PDE1A: variants seen among roughly 807,000 people sequenced by gnomAD.
The protein encoded by PDE1A is phosphodiesterase 1A.
A neutral mutation model predicts 61.7 loss-of-function variants in PDE1A; 35 were observed. That is an observed-to-expected ratio of 0.57 (90% CI 0.43 to 0.75). The LOEUF (loss-of-function observed/expected upper bound fraction) is 0.75. Among genes scored for constraint, PDE1A ranks in the 30% least tolerant of loss-of-function variants. The pLI, the probability that PDE1A is intolerant of heterozygous loss-of-function variation, is 0.00. For synonymous variants in PDE1A, 232 were observed against 213.2 expected, an observed-to-expected ratio of 1.09 and a Z score of -0.77; for missense variants, 597 against 630.6, an observed-to-expected ratio of 0.95 and a Z score of 0.57.
rs201506982 is a variant in PDE1A at position 182,264,421 on chromosome 2, C to CA, written c.54-8dup. The CA allele has an allele frequency of 0.015, 23,724 of 1,600,672 alleles. 689 individuals carry two copies. Among genetic ancestry groups the CA allele is most frequent in the South Asian group, 0.097 (8,778 of 90,342 alleles). On this transcript the variant is annotated splice_polypyrimidine_tract_variant and splice_region_variant and intron_variant, in intron 1 of 13. Transcript: ENST00000351439. Reference sequence around the variant, plus strand: ...CTTCACCAAGCATCTTAGTCTATTTCAAAAAAGTAGCCAAAGAGAGAAAGA... The same window carrying CA: ...CTTCACCAAGCATCTTAGTCTATTTCAAAAAAAGTAGCCAAAGAGAGAAAGA...
chr2:182,228,194 G>C (rs537867212), intron 6 of PDE1A, among the ~76,000 whole-genome samples: 1 of 152,198 alleles, frequency 6.6e-6, no homozygotes, highest in South Asian at 2.1e-4. Flanking sequence ...AGAGAGATAG[G>C]GGGACAAGCA....
In PDE1A at chr2:182,314,205, T is replaced by C. The variant is rs529094019; in HGVS notation, c.54-49791A>G. On this transcript the variant is annotated intron_variant, in intron 1 of 13. Transcript: ENST00000351439. ...TACAGCAGAATACTACTCCAGAGAA[T>C]AAAAATGAATGAATAATTGATACAC... The C allele has an allele frequency of 2.6e-5, 4 of 152,150 alleles. No individual in the cohort carries two copies. In the South Asian group the frequency reaches 6.2e-4, roughly 24 times the overall value. The allele number at this position is 152,150 out of a possible 1,614,324, so 9.4% of individuals were successfully genotyped here.
At chr2:182,409,113 G>A (rs1702466941) in intron 1 of PDE1A, among the ~76,000 whole-genome samples, 1 of 152,032 alleles carries the variant, frequency 6.6e-6, no homozygotes, top group Non-Finnish European at 1.5e-5. Flanking sequence ...CCCTAATAAT[G>A]CTGGGCATTT....
At chr2:182,219,947 T>G (rs1688582914) in intron 7 of PDE1A, among the ~76,000 whole-genome samples, 1 of 152,056 alleles carries the variant, frequency 6.6e-6, no homozygotes, top group Admixed American at 6.6e-5. Context: ...AAACAAAAAC[T>G]AAAGAAATCT....
At chr2:182,639,580 T>A in the PDE1A span, among the ~76,000 whole-genome samples, 1 of 151,714 alleles carries the variant, frequency 6.6e-6, no homozygotes, top group Non-Finnish European at 1.5e-5. Flanking sequence ...AAATAAAAAA[T>A]AATTAAAAAC....
chr2:182,501,628 ATG>A (rs1389877707), intron 2 of PDE1A, among the ~76,000 whole-genome samples: 2 of 152,174 alleles, frequency 1.3e-5, no homozygotes, highest in Non-Finnish European at 2.9e-5. Context: ...CTAATTCAAT[ATG>A]TGTTTATTAT....
intron 2 of PDE1A, among the ~76,000 whole-genome samples, chr2:182,508,729 TTTTTTTTTTTA>T (rs1212656411): frequency 1.2e-4 from 17 of 143,568 alleles, no homozygotes; most frequent in Admixed American, 2.8e-4. Flanking sequence ...TGTAAATTTC[TTTTTTTTTTTA>T]TTTTTTTTTT....
chr2:182,211,003 G>A (rs1687544496), intron 7 of PDE1A, among the ~76,000 whole-genome samples: 1 of 152,086 alleles, frequency 6.6e-6, no homozygotes, highest in Non-Finnish European at 1.5e-5. Context: ...ATCAAATGGT[G>A]GAAAGCATCA....
In PDE1A at chr2:182,188,965, A is replaced by G; in HGVS notation, c.1207+14T>C. On this transcript the variant is annotated intron_variant, in intron 11 of 13. Transcript: ENST00000351439. ...ACACACTCACTTTCCACCACCACAA[A>G]TCATCAGAATTACCTATTTGTGACT... 3 of 1,579,844 alleles carry G rather than the reference A, an allele frequency of 1.9e-6. No individual in the cohort carries two copies. Among genetic ancestry groups the G allele is most frequent in the Non-Finnish European group, 2.6e-6 (3 of 1,149,910 alleles).
the PDE1A span, among the ~76,000 whole-genome samples, chr2:182,676,474 A>C: frequency 6.6e-6 from 1 of 152,048 alleles, no homozygotes; most frequent in Non-Finnish European, 1.5e-5. Context: ...TTCACAGCCG[A>C]ATTCTACCAG....
chr2:182,683,761 G>A, the PDE1A span, among the ~76,000 whole-genome samples: 3 of 152,152 alleles, frequency 2.0e-5, no homozygotes, highest in South Asian at 6.2e-4. Context: ...GTAAAGACCT[G>A]AAAATCAAGA....
At chr2:182,206,092 CAG>C in intron 7 of PDE1A, 27 bp from the exon 8 acceptor site, 1 of 1,587,752 alleles carries the variant, frequency 6.3e-7, no homozygotes, top group Non-Finnish European at 8.6e-7. Flanking sequence ...AAATGCCCAA[CAG>C]AGGATTTCTT....
At chr2:182,573,841 ATATATATT>A in the PDE1A span, among the ~76,000 whole-genome samples, 1,128 of 145,786 alleles carry the variant, frequency 7.7e-3, 19 homozygotes, top group African/African-American at 0.027. Context: ...AGAATAGGAT[ATATATATT>A]TATATATTTA....
chr2:182,146,195 T>C (rs935552011), downstream of PDE1A, among the ~76,000 whole-genome samples: 11 of 152,198 alleles, frequency 7.2e-5, no homozygotes, highest in South Asian at 2.1e-4. Context: ...GACTGGCTTA[T>C]CAAAAATTCA....
At chr2:182,340,069 T>C (rs751377480) in intron 1 of PDE1A, among the ~76,000 whole-genome samples, 28 of 152,098 alleles carry the variant, frequency 1.8e-4, no homozygotes, top group Non-Finnish European at 3.7e-4. Context: ...TAAAGAACAA[T>C]TTATGGGGAT....
At chr2:182,526,280 C>T (rs1443569036), upstream of PDE1A, among the ~76,000 whole-genome samples, 3 of 151,980 alleles carry the variant, frequency 2.0e-5, no homozygotes, top group Non-Finnish European at 4.4e-5. Context: ...ATTTTGAATG[C>T]ATAACTGAAC....
chr2:182,535,015 C>T, the PDE1A span, among the ~76,000 whole-genome samples: 3 of 151,750 alleles, frequency 2.0e-5, no homozygotes, highest in Admixed American at 6.6e-5. Context: ...TGGTCCAGAA[C>T]CATTTACTAA....
intron 2 of PDE1A, among the ~76,000 whole-genome samples, chr2:182,473,335 A>G (rs996624917): frequency 6.6e-6 from 1 of 151,958 alleles, no homozygotes; most frequent in Non-Finnish European, 1.5e-5. Flanking sequence ...ATCAGAGTGA[A>G]CAGGCAACCT....
chr2:182,661,014 A>G, the PDE1A span, among the ~76,000 whole-genome samples: 1 of 152,340 alleles, frequency 6.6e-6, no homozygotes, highest in Middle Eastern at 3.4e-3. Flanking sequence ...CCAAATGCCT[A>G]GTATTGGTTT....
Sources: allele counts gnomAD v4.1 joint callset (sites outside exome capture counted in the v4.1 genomes callset), GRCh38; gene constraint gnomAD v4.1.1; transcripts MANE v1.5; gene names NCBI Gene and HGNC (gene_info 2026-07-23, HGNC 2026-07-21).